The following CADPS variants were observed in gnomAD, a reference collection of about 807,000 sequenced individuals.
CADPS encodes calcium-dependent secretion activator 1.
CADPS carries 57 observed loss-of-function variants against 167.3 expected under a neutral mutation model. That is an observed-to-expected ratio of 0.34 (90% CI 0.28 to 0.42). CADPS has a LOEUF of 0.42. Among genes scored for constraint, CADPS ranks in the 20% least tolerant of loss-of-function variants. The pLI, the probability that CADPS is intolerant of heterozygous loss-of-function variation, is 1.00. For missense variants in CADPS, 1,414 were observed against 1,738.1 expected, an observed-to-expected ratio of 0.81 and a Z score of 3.32; for synonymous variants, 676 against 635.3, an observed-to-expected ratio of 1.06 and a Z score of -0.96.
intron 3 of CADPS, among the ~76,000 whole-genome samples, chr3:62,678,677 C>T (rs2076679700): frequency 6.6e-6 from 1 of 152,046 alleles, no homozygotes; most frequent in South Asian, 2.1e-4. Flanking sequence ...TGTTTTAAGC[C>T]TAAATGCATG....
intron 3 of CADPS, among the ~76,000 whole-genome samples, chr3:62,703,510 C>T (rs969358468): frequency 9.9e-5 from 15 of 152,120 alleles, no homozygotes; most frequent in African/African-American, 3.4e-4. Context: ...ATATTGCTGA[C>T]ATTTGGCCTG....
chr3:62,794,792 A>AAAAAAAAAAAAAAG (rs1559654139), intron 1 of CADPS, among the ~76,000 whole-genome samples: 1 of 147,450 alleles, frequency 6.8e-6, no homozygotes, highest in African/African-American at 2.7e-5. Flanking sequence ...AAAAAAAAAA[A>AAAAAAAAAAAAAAG]AAAAAAAAAA....
intron 11 of CADPS, among the ~76,000 whole-genome samples, chr3:62,548,704 G>C (rs778873934): frequency 6.6e-6 from 1 of 152,254 alleles, no homozygotes; most frequent in Non-Finnish European, 1.5e-5. Context: ...GATCGTGCAA[G>C]CACTGTGTTA....
At chr3:62,845,784 C>T (rs146188973) in intron 1 of CADPS, among the ~76,000 whole-genome samples, 19 of 152,246 alleles carry the variant, frequency 1.2e-4, no homozygotes, top group African/African-American at 4.6e-4. Context: ...TTTCCGATAG[C>T]CAAGATTTTA....
intron 26 of CADPS, among the ~76,000 whole-genome samples, chr3:62,451,628 A>G (rs1440741943): frequency 6.6e-6 from 1 of 152,064 alleles, no homozygotes; most frequent in Non-Finnish European, 1.5e-5. Context: ...GAAAAAAACA[A>G]TCAAGGAAAT....
chr3:62,687,105 G>A (rs538878706), intron 3 of CADPS, among the ~76,000 whole-genome samples: 5 of 152,264 alleles, frequency 3.3e-5, no homozygotes, highest in African/African-American at 9.6e-5. Context: ...GCAAAACACC[G>A]AAAGGAGATT....
chr3:62,787,459 A>G (rs1268825944), intron 1 of CADPS, among the ~76,000 whole-genome samples: 1 of 152,204 alleles, frequency 6.6e-6, no homozygotes, highest in Non-Finnish European at 1.5e-5. Flanking sequence ...AAATAAATCA[A>G]TGTATTTATC....
At chr3:62,785,914 G>GAA (rs571340822) in intron 1 of CADPS, among the ~76,000 whole-genome samples, 1 of 112,528 alleles carries the variant, frequency 8.9e-6, no homozygotes, top group Admixed American at 9.4e-5. Flanking sequence ...TTTTCAAAAA[G>GAA]AAAAAAAAAA....
chr3:62,561,437 T>A (rs1449148157), intron 9 of CADPS, among the ~76,000 whole-genome samples: 1 of 151,770 alleles, frequency 6.6e-6, no homozygotes, highest in African/African-American at 2.4e-5. Context: ...TTTTTTTAAT[T>A]TTTTGGTAGA....
rs561962886 is a variant in CADPS, at chr3:62,845,277, G to A, written c.441+29312C>T. On this transcript the variant is annotated intron_variant, in intron 1 of 29. Coordinates refer to ENST00000383710, the MANE Select transcript of CADPS (RefSeq NM_003716.4). ...TGGAAGACCGAGCTGCATATCCCAA[G>A]GCTCACATCATCACGATTTTCCCCA... 5.8e-4 allele frequency among the ~76,000 whole-genome samples: 88 copies of A among 152,212 alleles called. 1 individual carries two copies. The South Asian group carries it at 0.011, about 19-fold the overall frequency.
intron 3 of CADPS, among the ~76,000 whole-genome samples, chr3:62,674,398 C>T (rs1456921368): frequency 6.6e-6 from 1 of 152,288 alleles, no homozygotes; most frequent in East Asian, 1.9e-4. Context: ...ATTCATAAGT[C>T]TACCTACATG....
In CADPS at chr3:62,688,018, G is replaced by A. The variant is rs534474935; in HGVS notation, c.889-25624C>T. ...CAAGTATTTATTGAGCATGTGCTTT[G>A]CTAGGTGCTCAATCATATTATACTG... On this transcript the variant is annotated intron_variant, in intron 3 of 29. Transcript: ENST00000383710. 1.6e-4 allele frequency among the ~76,000 whole-genome samples: 25 copies of A among 152,090 alleles called. 2 individuals carry two copies. In the South Asian group the frequency reaches 5.2e-3, roughly 32 times the overall value.
intron 23 of CADPS, among the ~76,000 whole-genome samples, chr3:62,474,851 A>G (rs7643122): frequency 6.6e-6 from 1 of 152,144 alleles, no homozygotes; most frequent in Non-Finnish European, 1.5e-5. Context: ...AGTGTATTAC[A>G]TTGCTTTAAA....
chr3:62,414,893 C>T (rs921248640), intron 28 of CADPS, among the ~76,000 whole-genome samples: 1 of 152,104 alleles, frequency 6.6e-6, no homozygotes, highest in East Asian at 1.9e-4. Context: ...CCCCCAAACC[C>T]ACTCTCCCCT....
chr3:62,507,926 T>C (rs1225444263), intron 17 of CADPS, among the ~76,000 whole-genome samples: 4 of 152,250 alleles, frequency 2.6e-5, no homozygotes, highest in Admixed American at 6.5e-5. Flanking sequence ...TGTATTTTAA[T>C]CTTTGCAATA....
intron 9 of CADPS, 119 bp from the exon 10 acceptor site, chr3:62,557,632 T>C (rs2078394880): frequency 1.3e-6 from 1 of 753,544 alleles, no homozygotes; most frequent in Non-Finnish European, 2.4e-6. Flanking sequence ...AACTGAGTTT[T>C]GCTACCTCCT....
rs1167821275 is a variant in CADPS, at chr3:62,753,418, G to A, written c.888+23C>T. 6.4e-7 allele frequency: 1 copy of A among 1,571,104 alleles called. No homozygotes were observed. Among genetic ancestry groups the A allele is most frequent in the South Asian group, 1.1e-5 (1 of 87,170 alleles). On this transcript the variant is annotated intron_variant, in intron 3 of 29. Coordinates refer to ENST00000383710, the MANE Select transcript of CADPS (RefSeq NM_003716.4). This position sits in a 1 kb window ranked among gnomAD's most constrained non-coding sequence, Gnocchi z 4.6. Reference sequence around the variant, plus strand: ...GCAGCTCTGCTTACCCACAGCTCTAGGCCCAGGCGAGAAACACCTTACCTG... The same window carrying A: ...GCAGCTCTGCTTACCCACAGCTCTAAGCCCAGGCGAGAAACACCTTACCTG...
At chr3:62,551,013 C>T (rs2077234084) in intron 10 of CADPS, 1 of 440,144 alleles carries the variant, frequency 2.3e-6, no homozygotes. Flanking sequence ...CTGTCCTTGC[C>T]CTTCTTCTCT....
intron 1 of CADPS, among the ~76,000 whole-genome samples, chr3:62,835,775 A>G (rs1188184589): frequency 6.6e-6 from 1 of 152,236 alleles, no homozygotes; most frequent in African/African-American, 2.4e-5. Flanking sequence ...AGGGAAACAC[A>G]GCTTCCCTAT....
Sources: allele counts gnomAD v4.1 joint callset (sites outside exome capture counted in the v4.1 genomes callset), GRCh38; gene constraint gnomAD v4.1.1; non-coding constraint Gnocchi (gnomAD v3.1); transcripts MANE v1.5; gene names NCBI Gene and HGNC (gene_info 2026-07-23, HGNC 2026-07-21).